The following PCDHA7 variants were observed in gnomAD, a reference collection of about 807,000 sequenced individuals.
PCDHA7 encodes the protein protocadherin alpha-7.
A neutral mutation model predicts 57.2 loss-of-function variants in PCDHA7; 37 were observed. That is an observed-to-expected ratio of 0.65 (90% confidence interval 0.50 to 0.85). PCDHA7 has a LOEUF of 0.85. PCDHA7 is among the 40% of genes least tolerant of loss of function. The pLI is 0.00. For missense variants in PCDHA7, 1,188 were observed against 1,241.8 expected (o/e 0.96, Z 0.65); for synonymous variants, 553 against 558.8 (o/e 0.99, Z 0.15).
chr5:140,921,693 C>A (rs115825687), intron 1 of PCDHA7, among the ~76,000 whole-genome samples: 103 of 152,244 alleles, frequency 6.8e-4, no homozygotes, highest in African/African-American at 2.4e-3. Flanking sequence ...CTGGCCACCT[C>A]AATTTTAAAC....
chr5:140,896,902 G>C (rs1427098120), intron 1 of PCDHA7, among the ~76,000 whole-genome samples: 1 of 152,044 alleles, frequency 6.6e-6, no homozygotes, highest in Non-Finnish European at 1.5e-5. Context: ...TTTGATACAA[G>C]CATGCAATGC....
rs782634199 is a variant in PCDHA7 at position 140,882,705 on chromosome 5, G to A, written c.2355+45967G>A. The A allele has an allele frequency of 3.7e-6, 6 of 1,614,172 alleles. No individual in the cohort carries two copies. The South Asian group carries it at 6.6e-5, about 18-fold the overall frequency. On this transcript the variant is annotated intron_variant, in intron 1 of 3. Transcript: ENST00000525929. ...AAACGAATAATCATTGCAGAATCTA[G>A]ACCTCCGGAAACTCGATTTCCACTA...
chr5:140,916,732 C>A (rs2077701110), intron 1 of PCDHA7, among the ~76,000 whole-genome samples: 1 of 152,178 alleles, frequency 6.6e-6, no homozygotes, highest in South Asian at 2.1e-4. Flanking sequence ...TTTGTTGCTG[C>A]AAGCTTCACT....
chr5:140,856,809 A>G lies in PCDHA7; in HGVS notation c.2355+20071A>G, dbSNP rs782118456. 11 of 1,594,544 alleles carry G rather than the reference A, an allele frequency of 6.9e-6. No homozygotes were observed. The African/African-American group carries it at 1.3e-4, about 20-fold the overall frequency. ...TATGAAGTTAAGATGTATGAAAATCAAGTGAACCAAACATTAGTAATACGG... is the reference window on the plus strand; with the variant it reads ...TATGAAGTTAAGATGTATGAAAATCGAGTGAACCAAACATTAGTAATACGG... On this transcript the variant is annotated intron_variant, in intron 1 of 3. Coordinates refer to ENST00000525929, the MANE Select transcript of PCDHA7 (RefSeq NM_018910.3).
chr5:140,847,929 T>C (rs1164805160), intron 1 of PCDHA7: 1 of 151,198 alleles, frequency 6.6e-6, no homozygotes, highest in African/African-American at 2.4e-5. Context: ...CACTAGAGAT[T>C]GCAACTCCTG....
rs782401003 is a variant in PCDHA7, at chr5:140,858,196, C to T, written c.2355+21458C>T. 3 of 1,597,174 alleles carry T rather than the reference C, an allele frequency of 1.9e-6. No individual in the cohort carries two copies. The East Asian group carries it at 6.7e-5, about 36-fold the overall frequency. On this transcript the variant is annotated intron_variant, in intron 1 of 3. Coordinates refer to ENST00000525929, the MANE Select transcript of PCDHA7 (RefSeq NM_018910.3). ...TGCTGGTGCTCACGCTGCTGCTGTA[C>T]ACTGCACTGAGGTGCTCGGCGGCGC...
In PCDHA7 at chr5:140,973,293, A is replaced by G. The variant is rs150966135; in HGVS notation, c.2356-5656A>G. Among the ~76,000 whole-genome samples, 103 of 152,230 alleles carry G rather than the reference A, an allele frequency of 6.8e-4. No homozygotes were observed. The East Asian group carries it at 0.019, about 27-fold the overall frequency. On this transcript the variant is annotated intron_variant, in intron 1 of 3. Transcript: ENST00000525929. ...TATTTCCCCCAGCACTGATTTTTCT[A>G]TCTGATGACTCTATCCTGGAACAGA...
intron 1 of PCDHA7, chr5:140,857,618 C>T: frequency 6.3e-7 from 1 of 1,596,552 alleles, no homozygotes; most frequent in Non-Finnish European, 8.6e-7. Flanking sequence ...GCCGCTGGAC[C>T]ACGAGGAGCT....
chr5:140,862,343 A>G (rs1347322739), intron 1 of PCDHA7: 1 of 331,934 alleles, frequency 3.0e-6, no homozygotes, highest in Non-Finnish European at 5.9e-6. Flanking sequence ...CCCTAACTTC[A>G]GTGCCAAGGG....
rs2153793513 is a variant in PCDHA7, at chr5:140,972,346, C to T, written c.2356-6603C>T. Among the ~76,000 whole-genome samples, 6 of 151,468 alleles carry T rather than the reference C, an allele frequency of 4.0e-5. No homozygotes were observed. In the Middle Eastern group the frequency reaches 0.014, roughly 346 times the overall value. The stretch of plus-strand genomic sequence containing the variant: ...TTTTTTTTGGAAGAGATGGGGGTCT[C>T]ACTATGTTGCACATGCTGTTAGTAT... On this transcript the variant is annotated intron_variant, in intron 1 of 3. Transcript: ENST00000525929.
intron 1 of PCDHA7, among the ~76,000 whole-genome samples, chr5:140,910,641 C>G (rs1270893523): frequency 6.6e-6 from 1 of 152,206 alleles, no homozygotes; most frequent in Non-Finnish European, 1.5e-5. Context: ...CTCCCTAAAC[C>G]TTTTGATCCC....
At position 140,883,299 on chromosome 5, in the gene PCDHA7, A is replaced by G. The variant is rs200799645; in HGVS notation, c.2355+46561A>G. 1.4e-5 allele frequency: 22 copies of G among 1,614,110 alleles called. No homozygotes were observed. In the African/African-American group the frequency reaches 2.9e-4, roughly 22 times the overall value. On this transcript the variant is annotated intron_variant, in intron 1 of 3. Coordinates refer to ENST00000525929, the MANE Select transcript of PCDHA7 (RefSeq NM_018910.3). ...CTTTTGGTGGAAGTACTAGATGTAA[A>G]TGATAACGCCCCAGAGGTTACCATC...
intron 1 of PCDHA7, among the ~76,000 whole-genome samples, chr5:140,951,356 C>T (rs1362153667): frequency 6.6e-6 from 1 of 151,998 alleles, no homozygotes; most frequent in African/African-American, 2.4e-5. Flanking sequence ...CATTATTGCA[C>T]TGTTATAAAG....
rs2150418084 is a variant in PCDHA7 at position 140,848,701 on chromosome 5, A to G, written c.2355+11963A>G. The G allele has an allele frequency of 3.1e-6, 5 of 1,592,360 alleles. 1 individual carries two copies. In the South Asian group the frequency reaches 4.4e-5, roughly 14 times the overall value. On this transcript the variant is annotated intron_variant, in intron 1 of 3. Transcript: ENST00000525929. Reference sequence around the variant, plus strand: ...CCGCGCCTGTTCCAGTTGGATTCCAAAGGCCGCGGGGACCTTCTGGAGGTA... The same window carrying G: ...CCGCGCCTGTTCCAGTTGGATTCCAGAGGCCGCGGGGACCTTCTGGAGGTA...
intron 1 of PCDHA7, among the ~76,000 whole-genome samples, chr5:140,899,774 C>T (rs966615256): frequency 3.9e-5 from 6 of 152,122 alleles, no homozygotes; most frequent in African/African-American, 1.4e-4. Context: ...CCTCCTTTTA[C>T]CTCTGGTATA....
chr5:140,834,613 T>C lies in PCDHA7; in HGVS notation c.230T>C (p.Val77Ala). ...VCKFRGDLLEVNLQNGILFVN... is the reference protein window; with the variant it reads ...VCKFRGDLLEANLQNGILFVN... Reference sequence around the variant, plus strand: ...AAATTCCGTGGGGATCTTCTGGAGGTAAATCTGCAGAATGGCATTTTGTTT... The same window carrying C: ...AAATTCCGTGGGGATCTTCTGGAGGCAAATCTGCAGAATGGCATTTTGTTT... The change falls in exon 1 of 4, where the codon GTA (valine) becomes GCA (alanine). Residue 77 changes from valine to alanine, a missense_variant. By Grantham distance (64) the Val-to-Ala change is moderately conservative. This residue lies in a region of PCDHA7 where 194 missense variants were observed against 185.8 expected (regional missense o/e 1.04). Transcript: ENST00000525929. 2 of 1,614,054 alleles carry C rather than the reference T, an allele frequency of 1.2e-6. No individual in the cohort carries two copies. The highest frequency in any genetic ancestry group is 1.3e-5 in the African/African-American group (1 of 75,016).
chr5:140,851,230 A>G (rs1327220273), intron 1 of PCDHA7: 1 of 1,136,468 alleles, frequency 8.8e-7, no homozygotes, highest in Non-Finnish European at 1.1e-6. Flanking sequence ...ACTATCATTT[A>G]TTTATTGCTA....
chr5:140,902,818 T>G (rs1554190664), intron 1 of PCDHA7, among the ~76,000 whole-genome samples: 1 of 152,062 alleles, frequency 6.6e-6, no homozygotes, highest in Non-Finnish European at 1.5e-5. Flanking sequence ...CAATATTTGG[T>G]TTTCGATTTC....
At chr5:140,927,281 A>G (rs1554204297) in intron 1 of PCDHA7, 1 of 1,614,172 alleles carries the variant, frequency 6.2e-7, no homozygotes, top group Non-Finnish European at 8.5e-7. Flanking sequence ...GGCGACGTGC[A>G]GCTGCACATC....
Sources: gnomAD v4.1 joint callset for allele counts (sites outside exome capture counted in the v4.1 genomes callset) on GRCh38, gnomAD v4.1.1 for gene constraint, gnomAD v4.1.1 regional missense constraint, MANE v1.5 for transcripts, NCBI Gene and HGNC (gene_info 2026-07-23, HGNC 2026-07-21) for gene names.